Variants in INSR observed in about 807,000 individuals in gnomAD.
INSR encodes the protein IR.
A neutral mutation model predicts 142.6 loss-of-function variants in INSR; 67 were observed. The observed-to-expected ratio is 0.47, with a 90% CI of 0.39 to 0.58. The LOEUF is 0.58. Ranked by LOEUF, INSR falls within the 20% of genes least tolerant of loss-of-function variation. The probability of loss-of-function intolerance (pLI) is 0.00; values close to 1 mark genes in which losing one functional copy is unlikely to be tolerated. For synonymous variants in INSR, 756 were observed against 743.1 expected (o/e 1.02, Z -0.28); for missense variants, 1,248 against 1,833.2 (o/e 0.68, Z 5.83).
At chr19:7,138,557 T>G (rs79813547) in intron 13 of INSR, among the ~76,000 whole-genome samples, 2 of 151,962 alleles carry the variant, frequency 1.3e-5, no homozygotes, top group Non-Finnish European at 2.9e-5. Context: ...ATTTTTTTTT[T>G]GCAGAGATGG....
chr19:7,176,957 C>T (rs186386128), intron 3 of INSR, among the ~76,000 whole-genome samples: 2 of 152,296 alleles, frequency 1.3e-5, no homozygotes, highest in East Asian at 3.9e-4. Context: ...AGGACATTTG[C>T]TGTTCTGTGT....
In INSR at chr19:7,150,365, A is replaced by T. The variant is rs2144882110; in HGVS notation, c.2267+132T>A. The T allele has an allele frequency of 1.3e-6, 1 of 758,870 alleles. No individual in the cohort carries two copies. Among genetic ancestry groups the T allele is most frequent in the East Asian group, 2.6e-5 (1 of 38,538 alleles). 47.0% of individuals were successfully genotyped at this position (758,870 alleles called of 1,614,324 possible). A position where few individuals can be genotyped will look rare whatever the true frequency, so the allele number is the denominator to read the frequency against. On this transcript the variant is annotated intron_variant, in intron 11 of 21. Coordinates refer to ENST00000302850, the MANE Select transcript of INSR (RefSeq NM_000208.4). This position sits in a 1 kb window ranked among gnomAD's most constrained non-coding sequence, Gnocchi z 4.2. ...CATTGGATTTCTGAATTGGTGAAGC[A>T]TCTGCTCTCCAGCACAGCTGCCCGC...
intron 3 of INSR, among the ~76,000 whole-genome samples, chr19:7,180,708 G>T (rs59632637): frequency 0.069 from 10,501 of 151,920 alleles, 407 homozygotes; most frequent in African/African-American, 0.089. Context: ...CAAATGCAGG[G>T]ACAAGCATTA....
At chr19:7,197,835 C>A (rs956510261) in intron 2 of INSR, among the ~76,000 whole-genome samples, 3 of 28,314 alleles carry the variant, frequency 1.1e-4, no homozygotes, top group African/African-American at 5.6e-4. Flanking sequence ...AGAGAGAGAA[C>A]GAGAGAGAGA....
At chr19:7,201,274 C>CT (rs1297292902) in intron 2 of INSR, among the ~76,000 whole-genome samples, 1 of 152,106 alleles carries the variant, frequency 6.6e-6, no homozygotes, top group African/African-American at 2.4e-5. Flanking sequence ...AAAAGTAACA[C>CT]TTGAATCAGT....
intron 10 of INSR, chr19:7,152,520 C>A (rs535619503): frequency 9.5e-6 from 6 of 630,386 alleles, no homozygotes; most frequent in East Asian, 5.7e-5. Flanking sequence ...CCCTTTTGTG[C>A]GATTATTTGC....
chr19:7,133,224 C>T (rs115655985), intron 13 of INSR, among the ~76,000 whole-genome samples: 295 of 152,132 alleles, frequency 1.9e-3, no homozygotes, highest in African/African-American at 6.8e-3. Flanking sequence ...AAGGCTCCAC[C>T]GTACTCCAGC....
chr19:7,280,092 C>T (rs1203827005), intron 1 of INSR, among the ~76,000 whole-genome samples: 3 of 151,368 alleles, frequency 2.0e-5, no homozygotes, highest in South Asian at 2.1e-4. Context: ...GGTGAAACTC[C>T]GTCTCTACTA....
At chr19:7,186,216 C>CA (rs1172281777) in intron 2 of INSR, among the ~76,000 whole-genome samples, 5 of 151,824 alleles carry the variant, frequency 3.3e-5, no homozygotes, top group African/African-American at 1.2e-4. Context: ...TGAAACAAAA[C>CA]AAAAAATAAG....
intron 13 of INSR, among the ~76,000 whole-genome samples, chr19:7,139,864 C>T (rs1361956279): frequency 1.4e-5 from 2 of 138,218 alleles, no homozygotes; most frequent in Non-Finnish European, 3.0e-5. Context: ...TGTTCTGTCG[C>T]CCAGGCTGGA....
chr19:7,153,120 A>ACACACAC (rs1973445478), intron 9 of INSR, among the ~76,000 whole-genome samples, 193 bp from the exon 10 acceptor site: 1 of 111,602 alleles, frequency 9.0e-6, no homozygotes, highest in African/African-American at 4.3e-5. Context: ...ACACAACCAC[A>ACACACAC]CACACACACC....
intron 1 of INSR, among the ~76,000 whole-genome samples, chr19:7,272,665 A>C (rs1967959810): frequency 6.6e-6 from 1 of 151,982 alleles, no homozygotes; most frequent in Non-Finnish European, 1.5e-5. Flanking sequence ...CAAAAACAAA[A>C]ACAAACAAAC....
intron 14 of INSR, among the ~76,000 whole-genome samples, chr19:7,131,068 TG>T (rs1972769238): frequency 6.6e-6 from 1 of 150,650 alleles, no homozygotes; most frequent in African/African-American, 2.5e-5. Context: ...TGGGTAGAGA[TG>T]GGGTTTCACC....
At chr19:7,198,720 GA>G (rs1974864144) in intron 2 of INSR, among the ~76,000 whole-genome samples, 1 of 152,120 alleles carries the variant, frequency 6.6e-6, no homozygotes, top group African/African-American at 2.4e-5. Flanking sequence ...CAGAAAACGA[GA>G]ACCATACTCA....
chr19:7,184,701 A>AATAT, intron 2 of INSR, 64 bp from the exon 3 acceptor site: 1 of 1,163,476 alleles, frequency 8.6e-7, no homozygotes, highest in Non-Finnish European at 1.1e-6. Flanking sequence ...TAAATAAATA[A>AATAT]ATAAATGGCT....
rs1973941549 is a variant in INSR at position 7,168,617 on chromosome 19, C to G, written c.1484-523G>C. On this transcript the variant is annotated intron_variant, in intron 6 of 21. Transcript: ENST00000302850. This position sits in a 1 kb window ranked among gnomAD's most constrained non-coding sequence, Gnocchi z 4.3. Reference sequence around the variant, plus strand: ...TCCTAAACCTCACCCCAACCTCGCTCTCTCTCCTTGCACTACATTTTTTTT... The same window carrying G: ...TCCTAAACCTCACCCCAACCTCGCTGTCTCTCCTTGCACTACATTTTTTTT... Among the ~76,000 whole-genome samples the G allele has an allele frequency of 6.6e-6, 1 of 152,166 alleles. No individual in the cohort carries two copies. The highest frequency in any genetic ancestry group is 1.5e-5 in the Non-Finnish European group (1 of 68,032).
intron 14 of INSR, among the ~76,000 whole-genome samples, chr19:7,131,099 C>T (rs978414113): frequency 6.3e-4 from 95 of 151,314 alleles, no homozygotes; most frequent in Middle Eastern, 3.4e-3. Context: ...AGGCTGGTCT[C>T]GAACTCCTGA....
chr19:7,198,364 C>T (rs1974852382), intron 2 of INSR, among the ~76,000 whole-genome samples: 1 of 152,096 alleles, frequency 6.6e-6, no homozygotes, highest in South Asian at 2.1e-4. Flanking sequence ...GGGAGGGCCC[C>T]TCGTGGCTGC....
chr19:7,220,322 G>A (rs1417682171), intron 2 of INSR, among the ~76,000 whole-genome samples: 1 of 152,036 alleles, frequency 6.6e-6, no homozygotes, highest in Admixed American at 6.6e-5. Flanking sequence ...ATGGAGTCTC[G>A]CTCTGTCGCC....
Sources: allele counts gnomAD v4.1 joint callset (sites outside exome capture counted in the v4.1 genomes callset), GRCh38; gene constraint gnomAD v4.1.1; non-coding constraint Gnocchi (gnomAD v3.1); transcripts MANE v1.5; gene names NCBI Gene and HGNC (gene_info 2026-07-23, HGNC 2026-07-21).